Variants in URI1 observed in about 807,000 individuals in gnomAD.
URI1 encodes unconventional prefoldin RPB5 interactor 1.
In URI1, 39 loss-of-function variants were observed where a neutral mutation model predicts 60.2. That is an observed-to-expected ratio of 0.65 (90% confidence interval 0.50 to 0.85). The LOEUF (loss-of-function observed/expected upper bound fraction) is 0.85, where lower values mean the gene tolerates loss of function less well. URI1 is among the 40% of genes least tolerant of loss of function. URI1 has a pLI of 0.00. For missense variants in URI1, 691 were observed against 665.9 expected, an observed-to-expected ratio of 1.04 and a Z score of -0.42; for synonymous variants, 251 against 236.8, an observed-to-expected ratio of 1.06 and a Z score of -0.55.
intron 4 of URI1, among the ~76,000 whole-genome samples, chr19:29,991,645 G>A (rs2055748260): frequency 6.6e-6 from 1 of 152,038 alleles, no homozygotes; most frequent in Non-Finnish European, 1.5e-5. Flanking sequence ...ATATTGAATA[G>A]GAGTGGTAAG....
chr19:29,942,797 C>T lies in URI1; in HGVS notation c.117+133C>T, dbSNP rs556712974. 15 of 1,115,266 alleles carry T rather than the reference C, an allele frequency of 1.3e-5. No homozygotes were observed. The South Asian group carries it at 4.4e-4, about 32-fold the overall frequency. The allele number at this position is 1,115,266 out of a possible 1,614,324, so 69.1% of individuals were successfully genotyped here. ...AGGGAACGGGGATAAACTTTTGTCACGTGCTTCTGTTGTCTTTGTCTGCAG... is the reference window on the plus strand; with the variant it reads ...AGGGAACGGGGATAAACTTTTGTCATGTGCTTCTGTTGTCTTTGTCTGCAG... On this transcript the variant is annotated intron_variant, in intron 1 of 10. Coordinates refer to ENST00000392271, the MANE Select transcript of URI1 (RefSeq NM_003796.3).
intron 2 of URI1, among the ~76,000 whole-genome samples, chr19:29,975,750 C>T (rs1030900527): frequency 2.0e-5 from 3 of 152,118 alleles, no homozygotes; most frequent in Admixed American, 2.0e-4. Flanking sequence ...AGGCAATGCA[C>T]CCTCCTCCGC....
intron 1 of URI1, among the ~76,000 whole-genome samples, chr19:29,967,731 A>G (rs1368293091): frequency 1.7e-4 from 26 of 152,296 alleles, no homozygotes; most frequent in Admixed American, 1.6e-3. Flanking sequence ...GCAGGCCAGT[A>G]TAGGGACTGT....
intron 2 of URI1, among the ~76,000 whole-genome samples, chr19:29,979,240 T>C (rs994239580): frequency 1.3e-5 from 2 of 152,146 alleles, no homozygotes; most frequent in African/African-American, 4.8e-5. Flanking sequence ...TGATTTGTAA[T>C]AGGAATTTAT....
intron 4 of URI1, among the ~76,000 whole-genome samples, chr19:30,002,696 G>T (rs536165158): frequency 5.3e-5 from 8 of 151,806 alleles, no homozygotes; most frequent in East Asian, 1.9e-4. Flanking sequence ...TTTTTGGGGT[G>T]GGGGGAAGTA....
chr19:29,978,036 G>T (rs1033766641), intron 2 of URI1, among the ~76,000 whole-genome samples: 1 of 152,032 alleles, frequency 6.6e-6, no homozygotes, highest in African/African-American at 2.4e-5. Flanking sequence ...TTCTGTATGT[G>T]TATTTATGTG....
chr19:30,015,484 T>G lies in URI1; in HGVS notation c.*415T>G, dbSNP rs2056074692. 1.3e-6 allele frequency: 2 copies of G among 1,525,864 alleles called. No homozygotes were observed. Among genetic ancestry groups the G allele is most frequent in the East Asian group, 4.9e-5 (2 of 40,828 alleles). The allele number at this position is 1,525,864 out of a possible 1,614,324, so 94.5% of individuals were successfully genotyped here. Reference sequence around the variant, plus strand: ...TTTCAAATAGATTCAACAATTACATTACTTGCTTTCACATTTTAAAGGCAC... The same window carrying G: ...TTTCAAATAGATTCAACAATTACATGACTTGCTTTCACATTTTAAAGGCAC... On this transcript the variant is annotated 3_prime_UTR_variant, in exon 11 of 11. Transcript: ENST00000392271.
At chr19:29,951,558 T>G (rs1324456123) in intron 1 of URI1, among the ~76,000 whole-genome samples, 1 of 152,054 alleles carries the variant, frequency 6.6e-6, no homozygotes, top group Non-Finnish European at 1.5e-5. Flanking sequence ...CATTCTTTTT[T>G]TTTTTTTTTG....
chr19:29,943,130 AAAG>A (rs1288094909), intron 1 of URI1, among the ~76,000 whole-genome samples: 3 of 152,132 alleles, frequency 2.0e-5, no homozygotes, highest in African/African-American at 4.8e-5. Flanking sequence ...ATTAAAAAAA[AAAG>A]AGAGTCTCAC....
chr19:29,942,760 C>T (rs2055047987), intron 1 of URI1, 96 bp downstream of exon 1: 3 of 1,253,374 alleles, frequency 2.4e-6, no homozygotes, highest in African/African-American at 1.6e-5. Context: ...GCCCAGCTGC[C>T]CGGGCCCCCG....
At chr19:30,006,633 A>G (rs538780486) in intron 6 of URI1, among the ~76,000 whole-genome samples, 1 of 152,214 alleles carries the variant, frequency 6.6e-6, no homozygotes, top group East Asian at 1.9e-4. Flanking sequence ...ACATAATTTG[A>G]TATTTTCAGA....
chr19:29,986,179 A>T (rs2055665473), intron 3 of URI1, 103 bp from the exon 4 acceptor site: 1 of 1,154,616 alleles, frequency 8.7e-7, no homozygotes, highest in Non-Finnish European at 1.1e-6. Context: ...ATGTATAAAT[A>T]AAAAAATTCA....
chr19:30,000,336 CT>C (rs2055862705), intron 4 of URI1, among the ~76,000 whole-genome samples: 1 of 151,944 alleles, frequency 6.6e-6, no homozygotes, highest in African/African-American at 2.4e-5. Flanking sequence ...TTCCTGGTGT[CT>C]TCTTACCCTG....
intron 4 of URI1, among the ~76,000 whole-genome samples, chr19:30,005,074 A>C (rs138193625): frequency 6.6e-6 from 1 of 152,048 alleles, no homozygotes; most frequent in African/African-American, 2.4e-5. Flanking sequence ...TATTTATCCT[A>C]TAGAAACCTG....
At chr19:29,955,050 G>T (rs182293477) in intron 1 of URI1, among the ~76,000 whole-genome samples, 8 of 151,486 alleles carry the variant, frequency 5.3e-5, no homozygotes, top group Non-Finnish European at 1.2e-4. Flanking sequence ...TGTTGCTCAG[G>T]CTGGAGTGCA....
chr19:29,989,505 C>A (rs1421827639), intron 4 of URI1, among the ~76,000 whole-genome samples: 1 of 151,956 alleles, frequency 6.6e-6, no homozygotes, highest in Non-Finnish European at 1.5e-5. Flanking sequence ...TTCATCGCAA[C>A]CTCCGCCTCC....
At chr19:30,010,713 G>A (rs944505500) in intron 8 of URI1, among the ~76,000 whole-genome samples, 1 of 152,042 alleles carries the variant, frequency 6.6e-6, no homozygotes, top group African/African-American at 2.4e-5. Context: ...TGACTTAAAG[G>A]TTGTATTCTT....
At chr19:29,971,862 A>G (rs2055464878) in intron 2 of URI1, among the ~76,000 whole-genome samples, 3 of 152,054 alleles carry the variant, frequency 2.0e-5, no homozygotes, top group Admixed American at 1.3e-4. Flanking sequence ...TTGATCTTAC[A>G]GATATCAAAT....
intron 1 of URI1, among the ~76,000 whole-genome samples, chr19:29,964,901 G>C (rs1177005667): frequency 7.1e-6 from 1 of 141,122 alleles, no homozygotes; most frequent in Non-Finnish European, 1.5e-5. Context: ...TCAGTGGACT[G>C]TTTGTTTCCT....
Sources: gnomAD v4.1 joint callset for allele counts (sites outside exome capture counted in the v4.1 genomes callset) on GRCh38, gnomAD v4.1.1 for gene constraint, MANE v1.5 for transcripts, NCBI Gene and HGNC (gene_info 2026-07-23, HGNC 2026-07-21) for gene names.